The following CDH4 variants were observed in gnomAD, a reference collection of about 807,000 sequenced individuals.
The protein encoded by CDH4 is cadherin-4.
Under a neutral mutation model 86.0 loss-of-function variants are expected in CDH4, and 33 were observed. That is an observed-to-expected ratio of 0.38 (90% confidence interval 0.29 to 0.51). The LOEUF (loss-of-function observed/expected upper bound fraction) is 0.51, where lower values mean the gene tolerates loss of function less well. CDH4 is among the 20% of genes least tolerant of loss of function. The pLI is 0.86. For synonymous variants in CDH4, 555 were observed against 549.4 expected, an observed-to-expected ratio of 1.01 and a Z score of -0.14; for missense variants, 1,114 against 1,307.4, an observed-to-expected ratio of 0.85 and a Z score of 2.28.
intron 2 of CDH4, among the ~76,000 whole-genome samples, chr20:61,371,667 A>G (rs527446650): frequency 6.6e-6 from 1 of 152,250 alleles, no homozygotes; most frequent in Admixed American, 6.5e-5. Flanking sequence ...GTGTGTTACC[A>G]GCTTCGTGGC....
rs73135406 is a variant in CDH4, at chr20:61,764,058, C to T, written c.397-8945C>T. Among the ~76,000 whole-genome samples, 682 of 152,278 alleles carry T rather than the reference C, an allele frequency of 4.5e-3. 3 individuals carry two copies. The highest frequency in any genetic ancestry group is 7.5e-3 in the Non-Finnish European group (510 of 68,042). ...GCTGATACTGAGCTGTCCCTGGAGACCTCACCTTGCAGCCACAGCCAGTTA... is the reference window on the plus strand; with the variant it reads ...GCTGATACTGAGCTGTCCCTGGAGATCTCACCTTGCAGCCACAGCCAGTTA... On this transcript the variant is annotated intron_variant, in intron 3 of 15. Transcript: ENST00000614565.
At chr20:61,437,470 C>T (rs899678472) in intron 2 of CDH4, 1 of 152,168 alleles carries the variant, frequency 6.6e-6, no homozygotes, top group Non-Finnish European at 1.5e-5. Flanking sequence ...GTTGGCACAG[C>T]AAGTCCTTGT....
chr20:61,865,069 C>G (rs897714007), intron 6 of CDH4, among the ~76,000 whole-genome samples: 1 of 152,262 alleles, frequency 6.6e-6, no homozygotes, highest in East Asian at 1.9e-4. Context: ...AGACCTCATG[C>G]CCCGACCCCT....
At chr20:61,799,887 G>A (rs868692714) in intron 4 of CDH4, among the ~76,000 whole-genome samples, 25 of 152,158 alleles carry the variant, frequency 1.6e-4, no homozygotes, top group Non-Finnish European at 3.2e-4. Context: ...GCGGGGCCTC[G>A]AGTGGGGCCT....
chr20:61,881,533 C>G (rs910292187), intron 7 of CDH4, among the ~76,000 whole-genome samples: 4 of 152,250 alleles, frequency 2.6e-5, no homozygotes, highest in Non-Finnish European at 4.4e-5. Context: ...GCCTCAGAGC[C>G]TCCAGTGGTC....
chr20:61,282,813 TGTG>T (rs2084267335), intron 2 of CDH4, among the ~76,000 whole-genome samples: 2 of 152,260 alleles, frequency 1.3e-5, no homozygotes, highest in African/African-American at 4.8e-5. Flanking sequence ...GGTGCATGGC[TGTG>T]GTGTGCACGT....
At chr20:61,498,244 C>T (rs1052397819) in intron 2 of CDH4, among the ~76,000 whole-genome samples, 6 of 152,080 alleles carry the variant, frequency 3.9e-5, no homozygotes, top group African/African-American at 1.4e-4. Context: ...AAGACCAGAT[C>T]GGATGGGCAA....
rs186569092 is a variant in CDH4, at chr20:61,510,650, G to A, written c.170-232913G>A. Among the ~76,000 whole-genome samples the A allele has an allele frequency of 2.2e-4, 33 of 152,260 alleles. No individual in the cohort carries two copies. Among genetic ancestry groups the A allele is most frequent in the East Asian group, 7.7e-4 (4 of 5,180 alleles). On this transcript the variant is annotated intron_variant, in intron 2 of 15. Coordinates refer to ENST00000614565, the MANE Select transcript of CDH4 (RefSeq NM_001794.5). The surrounding 1 kb of genome is among the most constrained non-coding windows in gnomAD (Gnocchi z 4.2). ...ATAGTGGGATTACTTGGGGGATTGCGTTGCTGGGGAATTACTTGCTTGGGG... is the reference window on the plus strand; with the variant it reads ...ATAGTGGGATTACTTGGGGGATTGCATTGCTGGGGAATTACTTGCTTGGGG...
intron 4 of CDH4, among the ~76,000 whole-genome samples, chr20:61,782,929 C>CA (rs536994758): frequency 4.9e-4 from 75 of 152,138 alleles, no homozygotes; most frequent in African/African-American, 1.6e-3. Flanking sequence ...ACTAAAAATA[C>CA]AAAAAATTAG....
At chr20:61,483,592 C>T (rs747116046) in intron 2 of CDH4, among the ~76,000 whole-genome samples, 2 of 152,112 alleles carry the variant, frequency 1.3e-5, no homozygotes, top group Non-Finnish European at 2.9e-5. Context: ...GCCCTTGCTT[C>T]GGGGTGGCCC....
chr20:61,579,776 A>G (rs1176205095), intron 2 of CDH4, among the ~76,000 whole-genome samples: 1 of 152,100 alleles, frequency 6.6e-6, no homozygotes, highest in Non-Finnish European at 1.5e-5. Context: ...ACTAGATGAC[A>G]TTTGCCTCCC....
chr20:61,890,074 GTGGATGGA>G (rs143568927), intron 7 of CDH4, among the ~76,000 whole-genome samples: 30 of 147,978 alleles, frequency 2.0e-4, no homozygotes, highest in African/African-American at 6.9e-4. Flanking sequence ...GGATGCATGG[GTGGATGGA>G]TGGATGGATG....
At chr20:61,556,062 C>T (rs1380938949) in intron 2 of CDH4, among the ~76,000 whole-genome samples, 1 of 152,174 alleles carries the variant, frequency 6.6e-6, no homozygotes, top group African/African-American at 2.4e-5. Context: ...CCTTGGTGTA[C>T]CCCCCATGTG....
intron 6 of CDH4, among the ~76,000 whole-genome samples, chr20:61,862,633 C>T (rs1415071291): frequency 6.6e-6 from 1 of 152,192 alleles, no homozygotes; most frequent in Non-Finnish European, 1.5e-5. Flanking sequence ...CCGCTGTCCC[C>T]CGCAGCATCA....
At chr20:61,484,693 C>T (rs768291277) in intron 2 of CDH4, among the ~76,000 whole-genome samples, 1 of 152,160 alleles carries the variant, frequency 6.6e-6, no homozygotes, top group Non-Finnish European at 1.5e-5. Flanking sequence ...GTGTGCTCAT[C>T]GGATCCCTAA....
intron 3 of CDH4, among the ~76,000 whole-genome samples, chr20:61,747,523 A>G (rs2088430721): frequency 6.6e-6 from 1 of 152,058 alleles, no homozygotes; most frequent in African/African-American, 2.4e-5. Flanking sequence ...AACTACACTT[A>G]CTATCTTTAA....
chr20:61,582,221 C>T lies in CDH4; in HGVS notation c.170-161342C>T, dbSNP rs1054424066. Reference sequence around the variant, plus strand: ...TGACCTCTGCAGCTTCTTCCTAATGCCGCCTCCCCACCTCCAATCACAGAG... The same window carrying T: ...TGACCTCTGCAGCTTCTTCCTAATGTCGCCTCCCCACCTCCAATCACAGAG... On this transcript the variant is annotated intron_variant, in intron 2 of 15. Coordinates refer to ENST00000614565, the MANE Select transcript of CDH4 (RefSeq NM_001794.5). This position sits in a 1 kb window ranked among gnomAD's most constrained non-coding sequence, Gnocchi z 4.2. Among the ~76,000 whole-genome samples the T allele has an allele frequency of 1.3e-5, 2 of 152,230 alleles. No individual in the cohort carries two copies. The highest frequency in any genetic ancestry group is 4.8e-5 in the African/African-American group (2 of 41,464).
At chr20:61,730,892 G>A (rs920483806) in intron 2 of CDH4, among the ~76,000 whole-genome samples, 5 of 146,024 alleles carry the variant, frequency 3.4e-5, no homozygotes, top group East Asian at 1.9e-4. Context: ...GGCTGAGCTG[G>A]GCGGCGGGGT....
intron 4 of CDH4, among the ~76,000 whole-genome samples, chr20:61,804,702 G>A (rs932803975): frequency 1.3e-5 from 2 of 152,230 alleles, no homozygotes; most frequent in African/African-American, 4.8e-5. Flanking sequence ...CGTAGCCTCA[G>A]AAGTGCAGGG....
Sources: allele counts gnomAD v4.1 joint callset (sites outside exome capture counted in the v4.1 genomes callset), GRCh38; gene constraint gnomAD v4.1.1; non-coding constraint Gnocchi (gnomAD v3.1); transcripts MANE v1.5; gene names NCBI Gene and HGNC (gene_info 2026-07-23, HGNC 2026-07-21).